Variants in ANAPC10 observed in about 807,000 individuals in gnomAD.
ANAPC10 encodes the protein anaphase promoting complex subunit 10.
In ANAPC10, 12 loss-of-function variants were observed where a neutral mutation model predicts 22.0. That is an observed-to-expected ratio of 0.55 (90% CI 0.35 to 0.88). The LOEUF is 0.88. Among genes scored for constraint, ANAPC10 ranks in the 40% least tolerant of loss-of-function variants. The pLI is 0.01. For missense variants in ANAPC10, 188 were observed against 220.9 expected (o/e 0.85, Z 0.94); for synonymous variants, 65 against 69.5 (o/e 0.94, Z 0.32).
chr4:145,097,397 G>T, intron 1 of ANAPC10: 1 of 959,910 alleles, frequency 1.0e-6, no homozygotes, highest in Non-Finnish European at 1.4e-6. Flanking sequence ...TTCAATACTG[G>T]ATCGTGAACA....
chr4:145,081,616 C>T, intron 3 of ANAPC10, 44 bp downstream of exon 3: 1 of 1,227,534 alleles, frequency 8.1e-7, no homozygotes, highest in African/African-American at 1.5e-5. Flanking sequence ...ATTTATTTGT[C>T]TATAACCTAC....
At chr4:145,054,801 A>G (rs1024587695) in intron 4 of ANAPC10, among the ~76,000 whole-genome samples, 15 of 151,944 alleles carry the variant, frequency 9.9e-5, no homozygotes, top group African/African-American at 3.6e-4. Context: ...GACCCCAGCC[A>G]CTTGCTCAAG....
At chr4:145,090,724 G>C (rs1579171983) in intron 2 of ANAPC10, among the ~76,000 whole-genome samples, 1 of 152,132 alleles carries the variant, frequency 6.6e-6, no homozygotes. Context: ...TGAGATAACT[G>C]GTTATTTTAT....
chr4:144,997,317 A>T (rs1731770921), intron 4 of ANAPC10, among the ~76,000 whole-genome samples: 1 of 152,200 alleles, frequency 6.6e-6, no homozygotes, highest in Non-Finnish European at 1.5e-5. Flanking sequence ...TGAAGGAAAA[A>T]TATTAAGGGC....
chr4:145,011,347 AAAAT>A (rs1411762742), intron 4 of ANAPC10, among the ~76,000 whole-genome samples: 1 of 141,210 alleles, frequency 7.1e-6, no homozygotes, highest in African/African-American at 2.9e-5. Flanking sequence ...AAAATAAAAT[AAAAT>A]AAAATAAAAT....
chr4:145,086,886 T>G (rs1422236253), intron 2 of ANAPC10, among the ~76,000 whole-genome samples: 1 of 151,898 alleles, frequency 6.6e-6, no homozygotes, highest in Non-Finnish European at 1.5e-5. Context: ...AAATCAGTAT[T>G]CATCTATGGT....
rs1395610127 is a variant in ANAPC10 at position 145,063,205 on chromosome 4, TA to T, written c.327+1366del. 2.6e-5 allele frequency among the ~76,000 whole-genome samples: 4 copies of T among 152,314 alleles called. 1 individual carries two copies. Among genetic ancestry groups the T allele is most frequent in the Admixed American group, 2.6e-4 (4 of 15,288 alleles). ...GTGGTATGTGAAGTAATGCATATGT[TA>T]ACTAGCTTTATTCAGTCATTCTACA... On this transcript the variant is annotated intron_variant, in intron 4 of 4. Coordinates refer to ENST00000507656, the MANE Select transcript of ANAPC10 (RefSeq NM_001256706.2).
intron 4 of ANAPC10, among the ~76,000 whole-genome samples, chr4:145,004,008 GATTTT>G (rs769967200): frequency 4.6e-5 from 7 of 151,954 alleles, no homozygotes; most frequent in African/African-American, 1.4e-4. Context: ...TATCATCTCT[GATTTT>G]ATTTTATTTT....
At chr4:145,070,146 G>A (rs1744283306) in intron 3 of ANAPC10, among the ~76,000 whole-genome samples, 2 of 152,140 alleles carry the variant, frequency 1.3e-5, no homozygotes, top group South Asian at 4.1e-4. Context: ...TCTAAAGCAG[G>A]GCTTGGTAAG....
Position 145,032,241 on chromosome 4 carries a change from G to A in ANAPC10, c.327+32331C>T, listed in dbSNP as rs6837363. Among the ~76,000 whole-genome samples the A allele has an allele frequency of 4.6e-3, 695 of 152,314 alleles. 3 individuals are homozygous for A. The highest frequency in any genetic ancestry group is 0.015 in the African/African-American group (618 of 41,570). On this transcript the variant is annotated intron_variant, in intron 4 of 4. Transcript: ENST00000507656. Reference sequence around the variant, plus strand: ...TTCTAGGACATCCCTGAAGGACAGCGGTGAAAGGAAATCTTCCCAGTGGGC... The same window carrying A: ...TTCTAGGACATCCCTGAAGGACAGCAGTGAAAGGAAATCTTCCCAGTGGGC...
At chr4:145,063,947 A>T (rs1579081471) in intron 4 of ANAPC10, 1 of 152,044 alleles carries the variant, frequency 6.6e-6, no homozygotes, top group African/African-American at 2.4e-5. Flanking sequence ...CAATCAATAA[A>T]ATCAGTATAA....
chr4:145,013,940 T>C (rs1312123953), intron 4 of ANAPC10, among the ~76,000 whole-genome samples: 2 of 152,036 alleles, frequency 1.3e-5, no homozygotes, highest in Non-Finnish European at 2.9e-5. Flanking sequence ...GGGAGCTTGC[T>C]GGGTCCCCAG....
chr4:145,085,910 C>A (rs1281465622), intron 2 of ANAPC10, among the ~76,000 whole-genome samples: 1 of 150,780 alleles, frequency 6.6e-6, no homozygotes, highest in East Asian at 2.0e-4. Flanking sequence ...GCCGCCCAGG[C>A]TGCAGTGCAG....
chr4:144,998,504 C>T (rs1297286244), intron 4 of ANAPC10, among the ~76,000 whole-genome samples: 1 of 152,140 alleles, frequency 6.6e-6, no homozygotes, highest in South Asian at 2.1e-4. Flanking sequence ...GAACAACCTG[C>T]TCCTGAATGA....
In ANAPC10 at chr4:145,045,367, G is replaced by C. The variant is rs568314682; in HGVS notation, c.327+19205C>G. On this transcript the variant is annotated intron_variant, in intron 4 of 4. Transcript: ENST00000507656. ...TATATCTCCAAGATTCACACAGCTA[G>C]TAAGTAGCAAAACTAAGATCTGAAA... Among the ~76,000 whole-genome samples the C allele has an allele frequency of 5.3e-5, 8 of 152,098 alleles. 1 individual carries two copies. The South Asian group carries it at 1.7e-3, about 32-fold the overall frequency.
chr4:145,085,848 T>C (rs1434254274), intron 2 of ANAPC10, among the ~76,000 whole-genome samples: 6 of 151,920 alleles, frequency 3.9e-5, no homozygotes, highest in Non-Finnish European at 7.4e-5. Flanking sequence ...CACTCAGTAT[T>C]GTATTTGAAT....
At chr4:145,015,245 C>A (rs1734929041) in intron 4 of ANAPC10, among the ~76,000 whole-genome samples, 1 of 151,730 alleles carries the variant, frequency 6.6e-6, no homozygotes, top group Non-Finnish European at 1.5e-5. Context: ...AAAGAAAAAA[C>A]AATCAAACTT....
At chr4:145,070,694 C>G (rs1000404301) in intron 3 of ANAPC10, among the ~76,000 whole-genome samples, 9 of 152,166 alleles carry the variant, frequency 5.9e-5, no homozygotes. Flanking sequence ...TATTTGCACA[C>G]CAATGTTCAT....
intron 4 of ANAPC10, among the ~76,000 whole-genome samples, chr4:145,020,824 T>C (rs1347851043): frequency 6.6e-6 from 1 of 151,582 alleles, no homozygotes; most frequent in African/African-American, 2.4e-5. Context: ...ACTCAATCCT[T>C]TTTACAATAG....
Sources: allele counts gnomAD v4.1 joint callset (sites outside exome capture counted in the v4.1 genomes callset), GRCh38; gene constraint gnomAD v4.1.1; transcripts MANE v1.5; gene names NCBI Gene and HGNC (gene_info 2026-07-23, HGNC 2026-07-21).